CD2AP: variants seen among roughly 807,000 people sequenced by gnomAD.
CD2AP encodes the protein CD2 associated protein.
CD2AP carries 46 observed loss-of-function variants against 85.1 expected under a neutral mutation model. The ratio of observed to expected loss-of-function variants is 0.54; its 90% confidence interval spans 0.43 to 0.69. CD2AP has a LOEUF of 0.69. CD2AP is among the 30% of genes least tolerant of loss of function. The probability of loss-of-function intolerance (pLI) is 0.00; values close to 1 mark genes in which losing one functional copy is unlikely to be tolerated. For missense variants in CD2AP, 769 were observed against 729.5 expected (o/e 1.05, Z -0.62); for synonymous variants, 255 against 252.9 (o/e 1.01, Z -0.08).
rs1023422657 is a variant in CD2AP at position 47,524,610 on chromosome 6, G to A, written c.166-8992G>A. Among the ~76,000 whole-genome samples, 11 of 133,402 alleles carry A rather than the reference G, an allele frequency of 8.2e-5. No individual in the cohort carries two copies. In the East Asian group the frequency reaches 2.2e-3, roughly 27 times the overall value. 87.5% of individuals were successfully genotyped at this position (133,402 alleles called of 152,430 possible). A position where few individuals can be genotyped will look rare whatever the true frequency, so the allele number is the denominator to read the frequency against. On this transcript the variant is annotated intron_variant, in intron 2 of 17. Coordinates refer to ENST00000359314, the MANE Select transcript of CD2AP (RefSeq NM_012120.3). ...TGAGTAAAGAGAAAAGTTCTTAAGTGTTTTTTTTTCCACTGTACTTCACTT... is the reference window on the plus strand; with the variant it reads ...TGAGTAAAGAGAAAAGTTCTTAAGTATTTTTTTTTCCACTGTACTTCACTT...
Position 47,595,900 on chromosome 6 carries a change from C to A in CD2AP, c.1148C>A (p.Ala383Glu), listed in dbSNP as rs149300022. ...CTGGAACAGAAACCTTCTAAACCAG[C>A]AGCTCCACAAGTCCCACCCAAGAAA... The part of the protein sequence containing the change: ...STLEQKPSKP[A>E]APQVPPKKPT... The change falls in exon 12 of 18, where the codon GCA becomes GAA. Residue 383 changes from alanine to glutamate, a missense_variant. By Grantham distance (107) the Ala-to-Glu change is moderately radical. Coordinates refer to ENST00000359314, the MANE Select transcript of CD2AP (RefSeq NM_012120.3). The A allele has an allele frequency of 2.5e-5, 41 of 1,612,612 alleles. No individual in the cohort carries two copies. Among genetic ancestry groups the A allele is most frequent in the Non-Finnish European group, 3.5e-5 (41 of 1,179,042 alleles).
At chr6:47,527,248 A>G (rs1202615019) in intron 2 of CD2AP, among the ~76,000 whole-genome samples, 6 of 152,224 alleles carry the variant, frequency 3.9e-5, no homozygotes, top group African/African-American at 1.2e-4. Flanking sequence ...GTGTGCTCCT[A>G]CACTCAATGA....
At chr6:47,531,217 C>A (rs933646457) in intron 2 of CD2AP, among the ~76,000 whole-genome samples, 2 of 152,018 alleles carry the variant, frequency 1.3e-5, no homozygotes, top group African/African-American at 4.8e-5. Context: ...TACACAACAC[C>A]ATTATTGTCT....
intron 11 of CD2AP, among the ~76,000 whole-genome samples, chr6:47,594,579 A>AT (rs1032125650): frequency 1.3e-5 from 2 of 151,964 alleles, no homozygotes; most frequent in African/African-American, 4.8e-5. Flanking sequence ...ATTTCTAGAA[A>AT]TTTAAGTTTG....
At chr6:47,600,182 C>G (rs1232556682) in intron 13 of CD2AP, among the ~76,000 whole-genome samples, 1 of 151,838 alleles carries the variant, frequency 6.6e-6, no homozygotes, top group Non-Finnish European at 1.5e-5. Flanking sequence ...CTCTAGGAAG[C>G]AGATGCTTTT....
intron 1 of CD2AP, among the ~76,000 whole-genome samples, chr6:47,502,493 GT>G (rs370906372): frequency 9.1e-4 from 118 of 129,462 alleles, no homozygotes; most frequent in South Asian, 2.3e-3. Context: ...GAACTCCTGA[GT>G]TTTTTTTTTT....
intron 5 of CD2AP, among the ~76,000 whole-genome samples, chr6:47,568,057 A>G (rs533804669): frequency 1.3e-5 from 2 of 152,206 alleles, no homozygotes; most frequent in Middle Eastern, 3.2e-3. Flanking sequence ...AAGTGATAGC[A>G]CAAAGAACAG....
At chr6:47,543,709 G>A (rs1477124910) in intron 3 of CD2AP, among the ~76,000 whole-genome samples, 1 of 152,178 alleles carries the variant, frequency 6.6e-6, no homozygotes, top group Non-Finnish European at 1.5e-5. Flanking sequence ...TTACCCTTAG[G>A]ACCTCATTTA....
intron 3 of CD2AP, among the ~76,000 whole-genome samples, chr6:47,544,204 A>C (rs1767307042): frequency 6.6e-6 from 1 of 152,222 alleles, no homozygotes; most frequent in Non-Finnish European, 1.5e-5. Flanking sequence ...ATAGTCGTAA[A>C]AGTACTAATT....
At chr6:47,517,029 G>C (rs971352298) in intron 2 of CD2AP, among the ~76,000 whole-genome samples, 3 of 152,040 alleles carry the variant, frequency 2.0e-5, no homozygotes, top group African/African-American at 7.2e-5. Context: ...TTGACCCATG[G>C]GGGCTGATCT....
intron 11 of CD2AP, among the ~76,000 whole-genome samples, chr6:47,586,822 C>T (rs1195034340): frequency 3.3e-5 from 5 of 152,034 alleles, no homozygotes; most frequent in Admixed American, 6.6e-5. Context: ...AAGAACTGTT[C>T]ACTGGAATGA....
At chr6:47,516,864 C>T (rs1766464249) in intron 2 of CD2AP, among the ~76,000 whole-genome samples, 2 of 152,112 alleles carry the variant, frequency 1.3e-5, no homozygotes, top group South Asian at 4.1e-4. Flanking sequence ...TAGATCATAG[C>T]ATATGATTTT....
At chr6:47,570,047 C>T (rs1387324807) in intron 5 of CD2AP, among the ~76,000 whole-genome samples, 1 of 152,068 alleles carries the variant, frequency 6.6e-6, no homozygotes, top group Non-Finnish European at 1.5e-5. Flanking sequence ...CCTGCATGAT[C>T]GACTTACAAA....
chr6:47,505,024 T>C (rs1766099432), intron 2 of CD2AP, among the ~76,000 whole-genome samples: 1 of 140,906 alleles, frequency 7.1e-6, no homozygotes, highest in Non-Finnish European at 1.5e-5. Flanking sequence ...TTTTTTTTTT[T>C]TTTTTTTTTT....
chr6:47,604,514 T>C (rs1024866937), intron 13 of CD2AP, among the ~76,000 whole-genome samples: 1 of 152,070 alleles, frequency 6.6e-6, no homozygotes, highest in Non-Finnish European at 1.5e-5. Flanking sequence ...TGCAAGTTGC[T>C]TAAATATGCA....
intron 13 of CD2AP, among the ~76,000 whole-genome samples, chr6:47,602,128 T>G (rs1233497741): frequency 6.6e-6 from 1 of 152,028 alleles, no homozygotes; most frequent in African/African-American, 2.4e-5. Context: ...ATTTATAAAG[T>G]CATATGTAAA....
At chr6:47,606,112 C>G in intron 13 of CD2AP, 53 bp from the exon 14 acceptor site, 1 of 953,416 alleles carries the variant, frequency 1.0e-6, no homozygotes, top group Non-Finnish European at 1.7e-6. Flanking sequence ...TTATTTTTTA[C>G]CTTTAAAAAG....
At chr6:47,499,660 G>T (rs1420928458) in intron 1 of CD2AP, among the ~76,000 whole-genome samples, 1 of 152,040 alleles carries the variant, frequency 6.6e-6, no homozygotes, top group Non-Finnish European at 1.5e-5. Flanking sequence ...TATTGTCTGC[G>T]CATTTTAAGA....
At chr6:47,582,193 C>T (rs1768499358) in intron 11 of CD2AP, 128 bp downstream of exon 11, 1 of 672,512 alleles carries the variant, frequency 1.5e-6, no homozygotes, top group Non-Finnish European at 2.7e-6. Flanking sequence ...TTTAACAATG[C>T]TTGGAGTTTT....
Sources: allele counts gnomAD v4.1 joint callset (sites outside exome capture counted in the v4.1 genomes callset), GRCh38; gene constraint gnomAD v4.1.1; transcripts MANE v1.5; gene names NCBI Gene and HGNC (gene_info 2026-07-23, HGNC 2026-07-21).